Variants in PTPRD observed in about 807,000 individuals in gnomAD.
PTPRD encodes the protein receptor-type tyrosine-protein phosphatase delta.
In PTPRD, 34 loss-of-function variants were observed where a neutral mutation model predicts 214.5. The ratio of observed to expected loss-of-function variants is 0.16; its 90% confidence interval spans 0.12 to 0.21. The LOEUF (loss-of-function observed/expected upper bound fraction) is 0.21. PTPRD is among the 10% of genes least tolerant of loss of function. PTPRD has a pLI of 1.00. For missense variants in PTPRD, 2,545 were observed against 2,398.7 expected (o/e 1.06, Z -1.27); for synonymous variants, 1,128 against 845.7 (o/e 1.33, Z -5.79).
intron 14 of PTPRD, among the ~76,000 whole-genome samples, chr9:8,544,233 C>T (rs1223832674): frequency 7.5e-6 from 1 of 133,322 alleles, no homozygotes; most frequent in African/African-American, 2.9e-5. Context: ...GTGGTGCCAT[C>T]TTGGCTCACT....
chr9:9,563,605 A>C (rs891775173), intron 8 of PTPRD, among the ~76,000 whole-genome samples: 1 of 152,192 alleles, frequency 6.6e-6, no homozygotes, highest in Non-Finnish European at 1.5e-5. Context: ...TCAGAGGATC[A>C]GGACAGCTGT....
chr9:9,273,113 A>C (rs1260822177), intron 9 of PTPRD, among the ~76,000 whole-genome samples: 1 of 151,328 alleles, frequency 6.6e-6, no homozygotes, highest in Non-Finnish European at 1.5e-5. Context: ...ACAATATCCA[A>C]CATCTTCATG....
chr9:8,805,791 C>G (rs947124107), intron 11 of PTPRD, among the ~76,000 whole-genome samples: 3 of 151,028 alleles, frequency 2.0e-5, no homozygotes, highest in Admixed American at 2.0e-4. Flanking sequence ...GTCAGGAGAT[C>G]GAGACCATCC....
intron 5 of PTPRD, among the ~76,000 whole-genome samples, chr9:9,934,166 G>T (rs1372497841): frequency 2.7e-5 from 4 of 148,008 alleles, no homozygotes; most frequent in African/African-American, 7.8e-5. Flanking sequence ...ACAATTAAAA[G>T]AACTAGAAAA....
At chr9:10,036,557 A>G (rs1159620394) in intron 3 of PTPRD, among the ~76,000 whole-genome samples, 1 of 144,608 alleles carries the variant, frequency 6.9e-6, no homozygotes, top group Non-Finnish European at 1.5e-5. Context: ...TTCCACAAAC[A>G]GCACAAATAC....
chr9:8,906,521 A>T (rs2098708919), intron 11 of PTPRD, among the ~76,000 whole-genome samples: 2 of 152,324 alleles, frequency 1.3e-5, no homozygotes, highest in East Asian at 1.9e-4. Context: ...TGATACACTG[A>T]CGTACTACAT....
chr9:9,514,646 T>C (rs1353905304), intron 8 of PTPRD, among the ~76,000 whole-genome samples: 1 of 152,112 alleles, frequency 6.6e-6, no homozygotes, highest in Non-Finnish European at 1.5e-5. Context: ...AGAATTGAGA[T>C]ATAAACAGTT....
intron 10 of PTPRD, among the ~76,000 whole-genome samples, chr9:9,175,464 T>C (rs141633016): frequency 0.016 from 2,469 of 151,298 alleles, 78 homozygotes; most frequent in African/African-American, 0.058. Flanking sequence ...CTACTAAAAA[T>C]ACAAAAAAAT....
At chr9:9,075,656 C>A (rs146935263) in intron 10 of PTPRD, among the ~76,000 whole-genome samples, 1 of 151,994 alleles carries the variant, frequency 6.6e-6, no homozygotes, top group African/African-American at 2.4e-5. Flanking sequence ...TGAGAACATG[C>A]GGTGTTTGCT....
At chr9:10,072,474 C>A (rs1196017215) in intron 3 of PTPRD, among the ~76,000 whole-genome samples, 2 of 151,990 alleles carry the variant, frequency 1.3e-5, no homozygotes, top group Non-Finnish European at 2.9e-5. Flanking sequence ...AGAGCAGCAA[C>A]AAGATTTATT....
At chr9:8,985,404 G>A (rs10977424) in intron 11 of PTPRD, among the ~76,000 whole-genome samples, 18,072 of 151,780 alleles carry the variant, frequency 0.12, 1,183 homozygotes, top group South Asian at 0.19. Context: ...GAATAACCAC[G>A]ACCAACATAG....
At chr9:9,884,376 T>C (rs962912874) in intron 5 of PTPRD, among the ~76,000 whole-genome samples, 3 of 152,152 alleles carry the variant, frequency 2.0e-5, no homozygotes, top group Non-Finnish European at 2.9e-5. Context: ...ACCTTCAGTG[T>C]ACATGTAAGT....
intron 4 of PTPRD, among the ~76,000 whole-genome samples, chr9:9,943,930 C>T (rs774719610): frequency 6.6e-6 from 1 of 152,158 alleles, no homozygotes; most frequent in Non-Finnish European, 1.5e-5. Flanking sequence ...ACCAATGTCT[C>T]ACTAAATATA....
chr9:9,326,877 A>G (rs1159156796), intron 9 of PTPRD, among the ~76,000 whole-genome samples: 1 of 152,142 alleles, frequency 6.6e-6, no homozygotes, highest in Non-Finnish European at 1.5e-5. Flanking sequence ...GTTAGTAGAC[A>G]TGAGCAGCCC....
chr9:10,191,980 T>C (rs776029737), intron 3 of PTPRD, among the ~76,000 whole-genome samples: 5 of 152,104 alleles, frequency 3.3e-5, no homozygotes, highest in Non-Finnish European at 5.9e-5. Flanking sequence ...AAATCACAGG[T>C]ACTGGTTGAA....
chr9:9,415,710 A>C (rs1353461903), intron 8 of PTPRD, among the ~76,000 whole-genome samples: 1 of 152,196 alleles, frequency 6.6e-6, no homozygotes, highest in South Asian at 2.1e-4. Context: ...ATTTAAGGTG[A>C]AAAAAAGTAC....
intron 7 of PTPRD, among the ~76,000 whole-genome samples, chr9:9,693,064 A>G (rs2097303270): frequency 6.6e-6 from 1 of 152,178 alleles, no homozygotes; most frequent in Non-Finnish European, 1.5e-5. Context: ...ATAATCTACA[A>G]ACAATGATAA....
intron 11 of PTPRD, among the ~76,000 whole-genome samples, chr9:8,751,419 A>AGAAAAGAAAT (rs2093519128): frequency 2.2e-5 from 2 of 89,518 alleles, no homozygotes; most frequent in South Asian, 9.5e-4. Flanking sequence ...AAAAAAGAAA[A>AGAAAAGAAAT]GAAAAAAAAA....
intron 44 of PTPRD, among the ~76,000 whole-genome samples, chr9:8,328,640 A>T (rs1836480429): frequency 6.6e-6 from 1 of 150,918 alleles, no homozygotes; most frequent in African/African-American, 2.4e-5. Context: ...ACTTGGTTCC[A>T]TTCTCCCCTT....
Sources: gnomAD v4.1 joint callset for allele counts (sites outside exome capture counted in the v4.1 genomes callset) on GRCh38, gnomAD v4.1.1 for gene constraint, MANE v1.5 for transcripts, NCBI Gene and HGNC (gene_info 2026-07-23, HGNC 2026-07-21) for gene names.